ROBO1: variants seen among roughly 807,000 people sequenced by gnomAD.
ROBO1 encodes roundabout homolog 1.
ROBO1 carries 149 observed loss-of-function variants against 195.9 expected under a neutral mutation model. That is an observed-to-expected ratio of 0.76 (90% CI 0.67 to 0.87). The LOEUF is 0.87. Ranked by LOEUF, ROBO1 falls within the 40% of genes least tolerant of loss-of-function variation. The pLI, the probability that ROBO1 is intolerant of heterozygous loss-of-function variation, is 0.00. For missense variants in ROBO1, 1,933 were observed against 2,068.3 expected, an observed-to-expected ratio of 0.93 and a Z score of 1.27; for synonymous variants, 816 against 733.2, an observed-to-expected ratio of 1.11 and a Z score of -1.82.
At chr3:79,233,982 C>T (rs2082363468) in intron 2 of ROBO1, among the ~76,000 whole-genome samples, 1 of 151,820 alleles carries the variant, frequency 6.6e-6, no homozygotes, top group Non-Finnish European at 1.5e-5. Context: ...TCCACTTGTA[C>T]GTCTTCTTTG....
intron 2 of ROBO1, among the ~76,000 whole-genome samples, chr3:79,196,781 C>T (rs1386685272): frequency 1.3e-5 from 2 of 151,666 alleles, no homozygotes; most frequent in Admixed American, 1.3e-4. Context: ...GTACTTGCTG[C>T]TCCAGGTTAA....
At chr3:79,224,656 C>T (rs1559747223) in intron 2 of ROBO1, among the ~76,000 whole-genome samples, 2 of 152,116 alleles carry the variant, frequency 1.3e-5, no homozygotes, top group Non-Finnish European at 2.9e-5. Flanking sequence ...ATTCATTGAT[C>T]GAGATATTTT....
At chr3:78,985,266 C>T (rs1247363282) in intron 3 of ROBO1, among the ~76,000 whole-genome samples, 1 of 152,024 alleles carries the variant, frequency 6.6e-6, no homozygotes, top group African/African-American at 2.4e-5. Flanking sequence ...CACCATCGCA[C>T]TCTAGCCTGG....
intron 4 of ROBO1, among the ~76,000 whole-genome samples, chr3:78,904,252 C>T (rs565463318): frequency 6.6e-6 from 1 of 152,016 alleles, no homozygotes; most frequent in South Asian, 2.1e-4. Flanking sequence ...GGGTGTGAAT[C>T]CATTCAGTAG....
chr3:79,515,000 A>G (rs1940881003), intron 2 of ROBO1, among the ~76,000 whole-genome samples: 1 of 150,240 alleles, frequency 6.7e-6, no homozygotes, highest in Middle Eastern at 3.5e-3. Flanking sequence ...GAATGATTGG[A>G]CACAATTATA....
chr3:78,850,790 T>G (rs1431461061), intron 4 of ROBO1, among the ~76,000 whole-genome samples: 1 of 150,396 alleles, frequency 6.6e-6, no homozygotes, highest in Non-Finnish European at 1.5e-5. Context: ...CTTTCTTTTC[T>G]TTGTTTCTTT....
At chr3:78,714,338 T>C in intron 8 of ROBO1, 59 bp downstream of exon 8, 4 of 1,544,266 alleles carry the variant, frequency 2.6e-6, no homozygotes, top group Non-Finnish European at 2.6e-6. Flanking sequence ...TTTCTTCAAT[T>C]ATCAGCACTA....
intron 18 of ROBO1, among the ~76,000 whole-genome samples, chr3:78,656,389 C>T (rs965577285): frequency 3.6e-5 from 5 of 137,598 alleles, no homozygotes; most frequent in East Asian, 2.2e-4. Context: ...CTCACTCTGT[C>T]GCCCAGGCTG....
intron 2 of ROBO1, among the ~76,000 whole-genome samples, chr3:79,160,751 A>G (rs1368676756): frequency 6.6e-6 from 1 of 152,076 alleles, no homozygotes; most frequent in African/African-American, 2.4e-5. Context: ...GAGAAACATT[A>G]AAAGAATGAT....
chr3:78,768,142 GA>G (rs2083275464), intron 4 of ROBO1, among the ~76,000 whole-genome samples: 1 of 151,980 alleles, frequency 6.6e-6, no homozygotes, highest in East Asian at 1.9e-4. Flanking sequence ...CATTCAGTTT[GA>G]AGAGTTTTAA....
chr3:79,107,836 A>G (rs1365843708), intron 3 of ROBO1, among the ~76,000 whole-genome samples: 1 of 151,708 alleles, frequency 6.6e-6, no homozygotes, highest in African/African-American at 2.4e-5. Flanking sequence ...ATCACTTGGA[A>G]CACTGAAATA....
chr3:79,469,025 TCTACTTAACAAC>T (rs1938122292), intron 2 of ROBO1, among the ~76,000 whole-genome samples: 1 of 152,156 alleles, frequency 6.6e-6, no homozygotes, highest in Non-Finnish European at 1.5e-5. Flanking sequence ...GTACTTAAAA[TCTACTTAACAAC>T]CTACTAACAA....
chr3:79,399,590 T>A (rs544659798), intron 2 of ROBO1, among the ~76,000 whole-genome samples: 3 of 152,280 alleles, frequency 2.0e-5, no homozygotes, highest in African/African-American at 7.2e-5. Flanking sequence ...TCATGCCCAT[T>A]CTGGCACAGA....
At chr3:79,344,282 G>A (rs912392055) in intron 2 of ROBO1, among the ~76,000 whole-genome samples, 4 of 152,074 alleles carry the variant, frequency 2.6e-5, no homozygotes, top group Admixed American at 6.6e-5. Context: ...GTAACATTTG[G>A]AGACAATTGT....
chr3:79,048,728 C>T (rs1311378171), intron 3 of ROBO1, among the ~76,000 whole-genome samples: 1 of 152,138 alleles, frequency 6.6e-6, no homozygotes, highest in Non-Finnish European at 1.5e-5. Context: ...AAAATAGCAG[C>T]CTCCGCTGTT....
intron 2 of ROBO1, among the ~76,000 whole-genome samples, chr3:79,577,638 G>A (rs763565797): frequency 6.6e-6 from 1 of 151,854 alleles, no homozygotes; most frequent in African/African-American, 2.4e-5. Context: ...CACTATGGGA[G>A]GCCAAGGCGG....
chr3:78,887,268 A>G (rs2036622652), intron 4 of ROBO1, among the ~76,000 whole-genome samples: 1 of 152,134 alleles, frequency 6.6e-6, no homozygotes, highest in African/African-American at 2.4e-5. Context: ...AATTTGCACC[A>G]TCACTTCTTA....
intron 1 of ROBO1, among the ~76,000 whole-genome samples, chr3:79,688,937 A>T (rs968899150): frequency 6.6e-6 from 1 of 152,032 alleles, no homozygotes; most frequent in Admixed American, 6.6e-5. Flanking sequence ...CATGTATTAT[A>T]TTATTCTTAA....
intron 2 of ROBO1, among the ~76,000 whole-genome samples, chr3:79,391,003 T>G (rs2036928930): frequency 6.6e-6 from 1 of 151,288 alleles, no homozygotes; most frequent in African/African-American, 2.4e-5. Context: ...AATGAGTTGT[T>G]AAAAACACTG....
Sources: gnomAD v4.1 joint callset for allele counts (sites outside exome capture counted in the v4.1 genomes callset) on GRCh38, gnomAD v4.1.1 for gene constraint, MANE v1.5 for transcripts, NCBI Gene and HGNC (gene_info 2026-07-23, HGNC 2026-07-21) for gene names.